RNF150: variants seen among roughly 807,000 people sequenced by gnomAD.
RNF150 encodes ring finger protein 150.
In RNF150, 24 loss-of-function variants were observed where a neutral mutation model predicts 39.3. The ratio of observed to expected loss-of-function variants is 0.61; its 90% CI spans 0.44 to 0.86. The LOEUF (loss-of-function observed/expected upper bound fraction) is 0.86, where lower values mean the gene tolerates loss of function less well. RNF150 is among the 40% of genes least tolerant of loss of function. The pLI is 0.00. For synonymous variants in RNF150, 255 were observed against 227.3 expected, an observed-to-expected ratio of 1.12 and a Z score of -1.10; for missense variants, 502 against 587.8, an observed-to-expected ratio of 0.85 and a Z score of 1.51.
intron 1 of RNF150, among the ~76,000 whole-genome samples, chr4:141,059,708 T>C (rs190352773): frequency 2.0e-3 from 301 of 152,224 alleles, no homozygotes; most frequent in African/African-American, 7.0e-3. Flanking sequence ...ATGTATGATT[T>C]AAAGAATCTA....
intron 1 of RNF150, among the ~76,000 whole-genome samples, chr4:140,978,080 T>C (rs1024465645): frequency 3.3e-5 from 5 of 152,028 alleles, no homozygotes; most frequent in Non-Finnish European, 7.4e-5. Context: ...AATTTAGGAG[T>C]TTGAAAATGT....
At chr4:140,868,926 T>G (rs1728824861) in intron 6 of RNF150, among the ~76,000 whole-genome samples, 1 of 151,802 alleles carries the variant, frequency 6.6e-6, no homozygotes, top group Admixed American at 6.6e-5. Flanking sequence ...AAATAAGATA[T>G]CCTTTTTTGT....
intron 1 of RNF150, among the ~76,000 whole-genome samples, chr4:141,163,442 C>T (rs1288378543): frequency 2.0e-5 from 3 of 152,264 alleles, no homozygotes; most frequent in Non-Finnish European, 4.4e-5. Flanking sequence ...CAGCACAGCA[C>T]TCAAGCTCTG....
chr4:140,884,969 T>G (rs867033391), intron 6 of RNF150, among the ~76,000 whole-genome samples: 7 of 152,092 alleles, frequency 4.6e-5, no homozygotes, highest in South Asian at 2.1e-4. Flanking sequence ...TTGCCTGGAG[T>G]GCAGGAACTT....
chr4:141,198,764 C>G (rs1160397655), intron 1 of RNF150, among the ~76,000 whole-genome samples: 1 of 152,286 alleles, frequency 6.6e-6, no homozygotes, highest in African/African-American at 2.4e-5. Flanking sequence ...CTCAAGCATA[C>G]TTGTCTCTGC....
intron 6 of RNF150, among the ~76,000 whole-genome samples, chr4:140,884,862 TCCAATGGCA>T (rs1729504409): frequency 6.6e-6 from 1 of 152,160 alleles, no homozygotes; most frequent in South Asian, 2.1e-4. Context: ...GGGAGTTTTC[TCCAATGGCA>T]CCATGCTATA....
chr4:141,060,418 G>GT (rs1223426820), intron 1 of RNF150, among the ~76,000 whole-genome samples: 1 of 152,118 alleles, frequency 6.6e-6, no homozygotes, highest in African/African-American at 2.4e-5. Context: ...TCCAGCCTGG[G>GT]TGACAGAGCA....
intron 2 of RNF150, among the ~76,000 whole-genome samples, chr4:140,950,733 G>A (rs553882491): frequency 6.6e-6 from 1 of 152,270 alleles, no homozygotes; most frequent in East Asian, 1.9e-4. Flanking sequence ...TTTACCACGT[G>A]GCACTTCTCT....
At chr4:141,109,578 T>G (rs1739321296) in intron 1 of RNF150, among the ~76,000 whole-genome samples, 2 of 152,088 alleles carry the variant, frequency 1.3e-5, no homozygotes, top group African/African-American at 4.8e-5. Context: ...AAGGAAATTC[T>G]TTAGAAAAGA....
intron 1 of RNF150, among the ~76,000 whole-genome samples, chr4:141,159,283 T>C (rs2111154982): frequency 6.6e-6 from 1 of 152,314 alleles, no homozygotes; most frequent in East Asian, 1.9e-4. Context: ...GGACAACATG[T>C]AATCAGTGAA....
intron 2 of RNF150, among the ~76,000 whole-genome samples, chr4:140,949,679 C>T (rs1233159474): frequency 1.9e-5 from 2 of 105,140 alleles, no homozygotes; most frequent in Non-Finnish European, 4.5e-5. Flanking sequence ...ACACTACCCC[C>T]CCCCAAAAAA....
chr4:140,873,544 AAG>A (rs1206144826), intron 6 of RNF150, among the ~76,000 whole-genome samples: 1 of 152,230 alleles, frequency 6.6e-6, no homozygotes, highest in African/African-American at 2.4e-5. Flanking sequence ...ACCCAAGGAA[AAG>A]AGAGACTATA....
At chr4:141,125,841 T>C (rs1417601544) in intron 1 of RNF150, among the ~76,000 whole-genome samples, 1 of 152,148 alleles carries the variant, frequency 6.6e-6, no homozygotes, top group Non-Finnish European at 1.5e-5. Flanking sequence ...AGATGATGAT[T>C]GAATTCTTAT....
At chr4:140,925,288 G>A (rs1731345867) in intron 5 of RNF150, among the ~76,000 whole-genome samples, 1 of 152,162 alleles carries the variant, frequency 6.6e-6, no homozygotes, top group South Asian at 2.1e-4. Context: ...GGCTTCACCT[G>A]ATACAGTTCT....
At chr4:141,021,269 A>C (rs1237900770) in intron 1 of RNF150, among the ~76,000 whole-genome samples, 1 of 152,236 alleles carries the variant, frequency 6.6e-6, no homozygotes, top group African/African-American at 2.4e-5. Context: ...AGGACAATGC[A>C]AAGACGATCA....
chr4:140,915,675 G>A (rs919408823), intron 5 of RNF150, among the ~76,000 whole-genome samples: 2 of 152,210 alleles, frequency 1.3e-5, no homozygotes, highest in African/African-American at 4.8e-5. Context: ...AAATGTCCCT[G>A]TCTGACAGCT....
At chr4:141,195,057 T>TA (rs1307279280) in intron 1 of RNF150, among the ~76,000 whole-genome samples, 1 of 151,936 alleles carries the variant, frequency 6.6e-6, no homozygotes, top group African/African-American at 2.4e-5. Context: ...ATAAGGCTAT[T>TA]AAGGCCTTTC....
intron 6 of RNF150, among the ~76,000 whole-genome samples, chr4:140,884,435 A>G (rs1328280161): frequency 2.6e-5 from 4 of 152,168 alleles, no homozygotes. Context: ...CTGGTTTCAT[A>G]CAGGTACAGG....
In RNF150 at chr4:140,966,284, G is replaced by A. The variant is rs148441215; in HGVS notation, c.735+1339C>T. Reference sequence around the variant, plus strand: ...GAACCCAGGAGGTGAAGGTTGCAATGAGCCAAGATTTTGCCACTGGACTCC... The same window carrying A: ...GAACCCAGGAGGTGAAGGTTGCAATAAGCCAAGATTTTGCCACTGGACTCC... On this transcript the variant is annotated intron_variant, in intron 2 of 6. Coordinates refer to ENST00000515673, the MANE Select transcript of RNF150 (RefSeq NM_020724.2). Among the ~76,000 whole-genome samples the A allele has an allele frequency of 1.3e-4, 20 of 152,198 alleles. No homozygotes were observed. In the East Asian group the frequency reaches 1.5e-3, roughly 12 times the overall value.
Sources: allele counts gnomAD v4.1 joint callset (sites outside exome capture counted in the v4.1 genomes callset), GRCh38; gene constraint gnomAD v4.1.1; transcripts MANE v1.5; gene names NCBI Gene and HGNC (gene_info 2026-07-23, HGNC 2026-07-21).